Variants in JADE2 observed in about 807,000 individuals in gnomAD.
The protein encoded by JADE2 is jade family PHD finger 2.
JADE2 carries 13 observed loss-of-function variants against 85.7 expected under a neutral mutation model. The observed-to-expected ratio is 0.15, with a 90% CI of 0.10 to 0.24. JADE2 has a LOEUF of 0.24. JADE2 is among the 10% of genes least tolerant of loss of function. JADE2 has a pLI of 1.00. For synonymous variants in JADE2, 440 were observed against 456.1 expected, an observed-to-expected ratio of 0.96 and a Z score of 0.45; for missense variants, 846 against 1,115.9, an observed-to-expected ratio of 0.76 and a Z score of 3.45.
intron 1 of JADE2, among the ~76,000 whole-genome samples, chr5:134,528,396 C>T (rs1230091703): frequency 2.0e-5 from 3 of 152,082 alleles, no homozygotes; most frequent in Non-Finnish European, 2.9e-5. Context: ...CTTCCTTAGA[C>T]GGGCTGGGAC....
intron 1 of JADE2, among the ~76,000 whole-genome samples, 183 bp from the exon 2 acceptor site, chr5:134,535,675 C>T (rs1761539590): frequency 6.6e-6 from 1 of 152,064 alleles, no homozygotes; most frequent in Non-Finnish European, 1.5e-5. Context: ...TTTTAGAATC[C>T]CAGGGCCTCT....
chr5:134,527,657 G>A (rs2149843175), intron 1 of JADE2, among the ~76,000 whole-genome samples: 1 of 152,046 alleles, frequency 6.6e-6, no homozygotes, highest in Non-Finnish European at 1.5e-5. Context: ...CCTCCTCCCG[G>A]CTCCGGCGGT....
At chr5:134,530,149 G>A (rs952899818) in intron 1 of JADE2, among the ~76,000 whole-genome samples, 4 of 152,122 alleles carry the variant, frequency 2.6e-5, no homozygotes, top group Non-Finnish European at 5.9e-5. Context: ...AAAGAGTGGG[G>A]CTGTGACCCC....
intron 9 of JADE2, among the ~76,000 whole-genome samples, chr5:134,571,697 G>C (rs776522929): frequency 3.9e-5 from 6 of 151,936 alleles, no homozygotes; most frequent in African/African-American, 1.5e-4. Context: ...ACCCCGTCTC[G>C]AAAGAAAAAA....
intron 9 of JADE2, among the ~76,000 whole-genome samples, chr5:134,572,104 A>T (rs1219240923): frequency 6.6e-6 from 1 of 152,262 alleles, no homozygotes; most frequent in African/African-American, 2.4e-5. Flanking sequence ...GTGTGGGGGA[A>T]GGAGGCTGGT....
At chr5:134,525,017 G>C (rs1200143421), upstream of JADE2, among the ~76,000 whole-genome samples, 1 of 152,214 alleles carries the variant, frequency 6.6e-6, no homozygotes. Context: ...CGGGGGGCGG[G>C]GTGCTCAGTG....
intron 4 of JADE2, among the ~76,000 whole-genome samples, chr5:134,557,047 C>T (rs1762994861): frequency 2.0e-5 from 3 of 150,316 alleles, no homozygotes; most frequent in South Asian, 4.3e-4. Context: ...ACCACACACA[C>T]ACCTCACACA....
At chr5:134,572,290 G>A (rs911170302) in intron 9 of JADE2, among the ~76,000 whole-genome samples, 1 of 152,220 alleles carries the variant, frequency 6.6e-6, no homozygotes, top group Non-Finnish European at 1.5e-5. Context: ...AGCTGAGGGC[G>A]CACACACCAG....
At chr5:134,535,211 T>C (rs1402501165) in intron 1 of JADE2, among the ~76,000 whole-genome samples, 1 of 152,204 alleles carries the variant, frequency 6.6e-6, no homozygotes, top group Non-Finnish European at 1.5e-5. Flanking sequence ...AGAGTTTATT[T>C]GTACGTTTAT....
At chr5:134,570,011 G>C (rs1488653634) in intron 9 of JADE2, among the ~76,000 whole-genome samples, 1 of 152,084 alleles carries the variant, frequency 6.6e-6, no homozygotes, top group African/African-American at 2.4e-5. Context: ...TTGTCTCCCA[G>C]GCCCTCCACC....
chr5:134,572,797 G>T (rs538271256), intron 9 of JADE2, among the ~76,000 whole-genome samples: 18 of 152,358 alleles, frequency 1.2e-4, no homozygotes, highest in East Asian at 7.7e-4. Flanking sequence ...CATCCTGCAG[G>T]TGCTTCCTGT....
At position 134,582,309 on chromosome 5, in the gene JADE2, C is replaced by T. The variant is rs1764748829; in HGVS notation, c.*2992C>T. The T allele has an allele frequency of 6.6e-6, 1 of 152,230 alleles. No individual in the cohort carries two copies. Among genetic ancestry groups the T allele is most frequent in the African/African-American group, 2.4e-5 (1 of 41,442 alleles). The allele number at this position is 152,230 out of a possible 1,614,324, so 9.4% of individuals were successfully genotyped here. ...GTGAGCATTTGCAATGTAAGGGCCT[C>T]AGCTTCCTTGGAGAAGCCACCCCAG... is the stretch of plus-strand genomic sequence containing the variant. On this transcript the variant is annotated 3_prime_UTR_variant, in exon 12 of 12. Coordinates refer to ENST00000681547, the MANE Select transcript of JADE2 (RefSeq NM_001388185.1).
rs996103550 is a variant in JADE2, at chr5:134,581,628, G to C, written c.*2311G>C. 3.3e-5 allele frequency: 5 copies of C among 152,936 alleles called. No individual in the cohort carries two copies. The highest frequency in any genetic ancestry group is 1.2e-4 in the African/African-American group (5 of 41,470). 9.5% of individuals were successfully genotyped at this position (152,936 alleles called of 1,614,324 possible). A position where few individuals can be genotyped will look rare whatever the true frequency, so the allele number is the denominator to read the frequency against. On this transcript the variant is annotated 3_prime_UTR_variant, in exon 12 of 12. Transcript: ENST00000681547. ...CTCGGGCTGGCTGGTGTTCTTCCAA[G>C]AGCCTCTGCTCACATTGTTGGCCTC...
chr5:134,578,383 G>A lies in JADE2; in HGVS notation c.1682-111G>A, dbSNP rs1764513853. The stretch of plus-strand genomic sequence containing the variant: ...GATAGCTCACCTGGGTCTGGCACAG[G>A]GGGACAGAGAGAAGACGATGCCTGG... On this transcript the variant is annotated intron_variant, in intron 11 of 11. Coordinates refer to ENST00000681547, the MANE Select transcript of JADE2 (RefSeq NM_001388185.1). The surrounding 1 kb of genome is among the most constrained non-coding windows in gnomAD (Gnocchi z 4.4). 3.7e-6 allele frequency: 3 copies of A among 813,358 alleles called. No homozygotes were observed. Among genetic ancestry groups the A allele is most frequent in the East Asian group, 2.5e-5 (1 of 40,810 alleles). The allele number at this position is 813,358 out of a possible 1,614,324, so 50.4% of individuals were successfully genotyped here.
At chr5:134,550,206 T>A (rs760190483) in intron 3 of JADE2, among the ~76,000 whole-genome samples, 1 of 152,230 alleles carries the variant, frequency 6.6e-6, no homozygotes, top group Non-Finnish European at 1.5e-5. Flanking sequence ...GTTAGGGTGT[T>A]AGTCCTAACA....
intron 1 of JADE2, chr5:134,526,741 G>C: frequency 4.1e-6 from 4 of 985,480 alleles, no homozygotes; most frequent in Non-Finnish European, 4.8e-6. Flanking sequence ...TTGGAGGGGC[G>C]GGGGACACCC....
At chr5:134,573,551 T>C in intron 9 of JADE2, 94 bp from the exon 10 acceptor site, 1 of 840,112 alleles carries the variant, frequency 1.2e-6, no homozygotes. Flanking sequence ...CCTGTGCCCC[T>C]GGCACTGCCT....
At chr5:134,569,024 T>G (rs147020333) in intron 9 of JADE2, among the ~76,000 whole-genome samples, 11 of 152,350 alleles carry the variant, frequency 7.2e-5, no homozygotes, top group African/African-American at 9.6e-5. Flanking sequence ...GTTCCTGCAC[T>G]CCCAGCTCTA....
At chr5:134,573,110 G>T (rs1764140685) in intron 9 of JADE2, among the ~76,000 whole-genome samples, 1 of 152,256 alleles carries the variant, frequency 6.6e-6, no homozygotes, top group Admixed American at 6.5e-5. Context: ...CTGGCTGCAA[G>T]TACCGGGGCC....
Sources: gnomAD v4.1 joint callset for allele counts (sites outside exome capture counted in the v4.1 genomes callset) on GRCh38, gnomAD v4.1.1 for gene constraint, Gnocchi (gnomAD v3.1) non-coding constraint, MANE v1.5 for transcripts, NCBI Gene and HGNC (gene_info 2026-07-23, HGNC 2026-07-21) for gene names.